The following KPNA1 variants were observed in gnomAD, a reference collection of about 807,000 sequenced individuals.
KPNA1 encodes importin subunit alpha-5.
KPNA1 carries 10 observed loss-of-function variants against 70.5 expected under a neutral mutation model. That is an observed-to-expected ratio of 0.14 (90% CI 0.09 to 0.24). KPNA1 has a LOEUF of 0.24. KPNA1 is among the 10% of genes least tolerant of loss of function. KPNA1 has a pLI of 1.00. For missense variants in KPNA1, 397 were observed against 637.9 expected, an observed-to-expected ratio of 0.62 and a Z score of 4.07; for synonymous variants, 192 against 221.9, an observed-to-expected ratio of 0.87 and a Z score of 1.20.
intron 11 of KPNA1, among the ~76,000 whole-genome samples, chr3:122,434,461 C>T (rs1040679187): frequency 6.6e-6 from 1 of 152,198 alleles, no homozygotes; most frequent in East Asian, 1.9e-4. Flanking sequence ...CCTCACTTCT[C>T]ACTGGAGCAT....
chr3:122,426,888 C>A lies in KPNA1; in HGVS notation c.*97G>T. On this transcript the variant is annotated 3_prime_UTR_variant, in exon 14 of 14. Coordinates refer to ENST00000344337, the MANE Select transcript of KPNA1 (RefSeq NM_002264.4). ...TGAGCGCAAACAGTATTATGGAAAA[C>A]ATTTGAGAAGTTAGCTCCATGAGGA... The A allele has an allele frequency of 1.1e-6, 1 of 951,914 alleles. No individual in the cohort carries two copies. The highest frequency in any genetic ancestry group is 1.6e-6 in the Non-Finnish European group (1 of 626,902). 59.0% of individuals were successfully genotyped at this position (951,914 alleles called of 1,614,324 possible).
intron 2 of KPNA1, among the ~76,000 whole-genome samples, chr3:122,493,053 AATTC>A (rs1158548380): frequency 6.6e-6 from 1 of 152,248 alleles, no homozygotes; most frequent in Non-Finnish European, 1.5e-5. Flanking sequence ...TAGAAAGGTT[AATTC>A]ATTAAGTGCT....
chr3:122,470,231 G>A (rs939204080), intron 2 of KPNA1, among the ~76,000 whole-genome samples: 3 of 152,156 alleles, frequency 2.0e-5, no homozygotes, highest in African/African-American at 7.2e-5. Flanking sequence ...TAAATAAGTA[G>A]GCGGGGCACG....
At chr3:122,481,177 A>G (rs2076566548) in intron 2 of KPNA1, among the ~76,000 whole-genome samples, 1 of 152,244 alleles carries the variant, frequency 6.6e-6, no homozygotes, top group African/African-American at 2.4e-5. Context: ...TACTTAGCAT[A>G]CCGTATAGTA....
intron 2 of KPNA1, among the ~76,000 whole-genome samples, chr3:122,485,162 C>A (rs2076615716): frequency 6.6e-6 from 1 of 152,176 alleles, no homozygotes; most frequent in Non-Finnish European, 1.5e-5. Flanking sequence ...AATCTTCCCG[C>A]CTCGGCCTCC....
chr3:122,462,962 C>T (rs927871594), intron 4 of KPNA1, among the ~76,000 whole-genome samples: 3 of 152,100 alleles, frequency 2.0e-5, no homozygotes, highest in African/African-American at 7.2e-5. Context: ...GTGGCTCATG[C>T]CTGTAATCCC....
In KPNA1 at chr3:122,426,778, C is replaced by A. The variant is rs2075828786; in HGVS notation, c.*207G>T. 1 of 471,098 alleles carries A rather than the reference C, an allele frequency of 2.1e-6. No homozygotes were observed. The highest frequency in any genetic ancestry group is 3.8e-6 in the Non-Finnish European group (1 of 265,976). 29.2% of individuals were successfully genotyped at this position (471,098 alleles called of 1,614,324 possible). On this transcript the variant is annotated 3_prime_UTR_variant, in exon 14 of 14. Coordinates refer to ENST00000344337, the MANE Select transcript of KPNA1 (RefSeq NM_002264.4). Reference sequence around the variant, plus strand: ...AAAAGAGAGTGGGCCGTTCTGGTTACCCTTTTATTAGAAGGGTATTCCACC... The same window carrying A: ...AAAAGAGAGTGGGCCGTTCTGGTTAACCTTTTATTAGAAGGGTATTCCACC...
At chr3:122,427,288 A>C in intron 13 of KPNA1, 116 bp from the exon 14 acceptor site, 1 of 832,122 alleles carries the variant, frequency 1.2e-6, no homozygotes, top group Non-Finnish European at 1.8e-6. Context: ...TGATGTAAAG[A>C]AAGATTATTT....
chr3:122,461,787 C>T (rs974431123), intron 4 of KPNA1, among the ~76,000 whole-genome samples: 17 of 152,262 alleles, frequency 1.1e-4, no homozygotes, highest in Admixed American at 5.9e-4. Flanking sequence ...CAAGAATTCA[C>T]GAAGATTGAC....
chr3:122,469,230 C>A (rs2076414989), intron 2 of KPNA1, among the ~76,000 whole-genome samples: 1 of 152,006 alleles, frequency 6.6e-6, no homozygotes, highest in South Asian at 2.1e-4. Context: ...TTTGCCTAGG[C>A]CTTTCCTGGG....
Position 122,481,981 on chromosome 3 carries a change from A to G in KPNA1, c.129+14456T>C, listed in dbSNP as rs866372611. Among the ~76,000 whole-genome samples, 6 of 152,346 alleles carry G rather than the reference A, an allele frequency of 3.9e-5. No homozygotes were observed. In the Middle Eastern group the frequency reaches 0.017, roughly 432 times the overall value. On this transcript the variant is annotated intron_variant, in intron 2 of 13. Transcript: ENST00000344337. The stretch of plus-strand genomic sequence containing the variant: ...AAAAAGTTTTTCTTTAGCATACTGT[A>G]TAAGAACATACATAGAAATAAAAAC...
intron 2 of KPNA1, among the ~76,000 whole-genome samples, chr3:122,484,642 C>CA (rs917606626): frequency 6.4e-5 from 9 of 139,966 alleles, no homozygotes; most frequent in South Asian, 2.2e-4. Flanking sequence ...GACTCCGTCT[C>CA]AAAAAAAAAT....
chr3:122,425,457 T>G lies in KPNA1; in HGVS notation c.*1528A>C, dbSNP rs1246286223. The G allele has an allele frequency of 6.6e-6, 1 of 152,636 alleles. No individual in the cohort carries two copies. Among genetic ancestry groups the G allele is most frequent in the Non-Finnish European group, 1.5e-5 (1 of 68,040 alleles). The allele number at this position is 152,636 out of a possible 1,614,324, so 9.5% of individuals were successfully genotyped here. A position where few individuals can be genotyped will look rare whatever the true frequency, so the allele number is the denominator to read the frequency against. On this transcript the variant is annotated 3_prime_UTR_variant, in exon 14 of 14. Transcript: ENST00000344337. Reference sequence around the variant, plus strand: ...GAAACAGAGGTGAGCAACCTTTTCCTTCAGAATTCACTTTGAACAGCACAT... The same window carrying G: ...GAAACAGAGGTGAGCAACCTTTTCCGTCAGAATTCACTTTGAACAGCACAT...
intron 10 of KPNA1, among the ~76,000 whole-genome samples, chr3:122,440,496 G>A (rs1404031915): frequency 6.6e-6 from 1 of 152,138 alleles, no homozygotes; most frequent in African/African-American, 2.4e-5. Context: ...AGCATATGGA[G>A]GTGGGTGAGG....
intron 2 of KPNA1, among the ~76,000 whole-genome samples, chr3:122,483,930 T>A (rs1226091728): frequency 6.6e-6 from 1 of 152,232 alleles, no homozygotes; most frequent in African/African-American, 2.4e-5. Flanking sequence ...CTGCATTTAA[T>A]GTCTTGAATA....
At chr3:122,428,279 A>C (rs1169553676) in intron 12 of KPNA1, among the ~76,000 whole-genome samples, 3 of 152,238 alleles carry the variant, frequency 2.0e-5, no homozygotes, top group African/African-American at 7.2e-5. Flanking sequence ...TGATTACTGT[A>C]TCACATTCAC....
At chr3:122,431,170 T>A (rs1470151882) in intron 12 of KPNA1, among the ~76,000 whole-genome samples, 1 of 152,236 alleles carries the variant, frequency 6.6e-6, no homozygotes, top group Non-Finnish European at 1.5e-5. Flanking sequence ...CATTCTTTTT[T>A]ATCTTTTGAG....
intron 2 of KPNA1, among the ~76,000 whole-genome samples, chr3:122,479,686 G>A (rs1450783837): frequency 6.6e-6 from 1 of 152,146 alleles, no homozygotes; most frequent in African/African-American, 2.4e-5. Context: ...CTTGAACCAA[G>A]GAGGCAGAGG....
chr3:122,453,304 C>T (rs1330421314), intron 6 of KPNA1, among the ~76,000 whole-genome samples: 24 of 152,100 alleles, frequency 1.6e-4, no homozygotes. Context: ...CTTACATGGT[C>T]TAAAAAAGTA....
Sources: allele counts gnomAD v4.1 joint callset (sites outside exome capture counted in the v4.1 genomes callset), GRCh38; gene constraint gnomAD v4.1.1; transcripts MANE v1.5; gene names NCBI Gene and HGNC (gene_info 2026-07-23, HGNC 2026-07-21).